FLT3LG: variants seen among roughly 807,000 people sequenced by gnomAD.
The protein encoded by FLT3LG is fms-related tyrosine kinase 3 ligand.
Under a neutral mutation model 30.9 loss-of-function variants are expected in FLT3LG, and 8 were observed. The observed-to-expected ratio is 0.26, with a 90% confidence interval of 0.15 to 0.47. FLT3LG has a LOEUF of 0.47. Among genes scored for constraint, FLT3LG ranks in the 20% least tolerant of loss-of-function variants. FLT3LG has a pLI of 0.99. For missense variants in FLT3LG, 278 were observed against 306.2 expected, an observed-to-expected ratio of 0.91 and a Z score of 0.69; for synonymous variants, 123 against 135.9, an observed-to-expected ratio of 0.91 and a Z score of 0.66.
rs1220879757 is a variant in FLT3LG, at chr19:49,476,052, CCT to C, written c.145-84_145-83del. Reference sequence around the variant, plus strand: ...GGGCTCCCCCTCTCTTGGTCTTGTCCCTCTCTCTCTGGATCTCTGCTGCCACC... The same window carrying C: ...GGGCTCCCCCTCTCTTGGTCTTGTCCCTCTCTCTGGATCTCTGCTGCCACC... On this transcript the variant is annotated intron_variant, in intron 3 of 8. Transcript: ENST00000597551. The surrounding 1 kb of genome is among the most constrained non-coding windows in gnomAD (Gnocchi z 5.3). 1.6e-5 allele frequency: 22 copies of C among 1,416,558 alleles called. No individual in the cohort carries two copies. Among genetic ancestry groups the C allele is most frequent in the Non-Finnish European group, 2.0e-5 (20 of 1,002,836 alleles). 87.7% of individuals were successfully genotyped at this position (1,416,558 alleles called of 1,614,324 possible). A position where few individuals can be genotyped will look rare whatever the true frequency, so the allele number is the denominator to read the frequency against.
chr19:49,475,931 C>T (rs1476942960), intron 3 of FLT3LG, 130 bp downstream of exon 3: 78 of 1,036,516 alleles, frequency 7.5e-5, no homozygotes, highest in Non-Finnish European at 2.8e-5. Flanking sequence ...AGCGATCCTC[C>T]CACCTTGGCC....
At position 49,476,358 on chromosome 19, in the gene FLT3LG, C is replaced by A; in HGVS notation, c.199-65C>A. On this transcript the variant is annotated intron_variant, in intron 4 of 8. Coordinates refer to ENST00000597551, the MANE Select transcript of FLT3LG (RefSeq NM_001459.4). This position sits in a 1 kb window ranked among gnomAD's most constrained non-coding sequence, Gnocchi z 5.3. ...ACCCAGGAGCCCCGGCCCAGCCCCT[C>A]CTCCCTCAGACCCAGCAGCCCCGTG... 6.4e-7 allele frequency: 1 copy of A among 1,559,260 alleles called. No homozygotes were observed. The highest frequency in any genetic ancestry group is 1.1e-5 in the South Asian group (1 of 89,286).
At chr19:49,483,924 G>T (rs1325296766) in intron 8 of FLT3LG, among the ~76,000 whole-genome samples, 1 of 139,600 alleles carries the variant, frequency 7.2e-6, no homozygotes, top group African/African-American at 2.6e-5. Flanking sequence ...TTGCTCTGTC[G>T]CCCAGGGTGG....
At chr19:49,484,242 G>A (rs1334422721) in intron 8 of FLT3LG, among the ~76,000 whole-genome samples, 1 of 140,524 alleles carries the variant, frequency 7.1e-6, no homozygotes, top group Non-Finnish European at 1.5e-5. Context: ...TCCCAACCTA[G>A]TCCCTGTCCA....
chr19:49,477,914 C>A (rs537219832), intron 5 of FLT3LG, among the ~76,000 whole-genome samples: 1 of 148,924 alleles, frequency 6.7e-6, no homozygotes, highest in African/African-American at 2.5e-5. Flanking sequence ...GGCATGGTGG[C>A]GCGCGCCTGT....
At chr19:49,479,080 C>G in intron 6 of FLT3LG, 33 bp downstream of exon 6, 1 of 1,585,282 alleles carries the variant, frequency 6.3e-7, no homozygotes, top group South Asian at 1.2e-5. Flanking sequence ...ACTCCTTCCC[C>G]TCCTGTCCTC....
intron 6 of FLT3LG, among the ~76,000 whole-genome samples, chr19:49,479,302 C>T (rs1167116841): frequency 6.7e-6 from 1 of 149,680 alleles, no homozygotes; most frequent in Non-Finnish European, 1.5e-5. Flanking sequence ...TCATGCCATT[C>T]TCCTGCCTCA....
In FLT3LG at chr19:49,475,785, T is replaced by G. The variant is rs150782863; in HGVS notation, c.128T>G (p.Val43Gly). 10 of 1,612,512 alleles carry G rather than the reference T, an allele frequency of 6.2e-6. No individual in the cohort carries two copies. In the African/African-American group the frequency reaches 1.2e-4, roughly 19 times the overall value. Reference sequence around the variant, plus strand: ...AGCCCCATCTCCTCCGACTTCGCTGTCAAAATCCGTGAGCTGGTGAGCGGC... The same window carrying G: ...AGCCCCATCTCCTCCGACTTCGCTGGCAAAATCCGTGAGCTGGTGAGCGGC... Reference protein sequence around the residue: ...QHSPISSDFAVKIRELSDYLL... With the variant: ...QHSPISSDFAGKIRELSDYLL... Residue 43 changes from valine (V) to glycine (G), a missense_variant, in exon 3 of 9, where the codon GTC (valine) becomes GGC (glycine). Val to Gly is a moderately radical substitution (Grantham distance 109, BLOSUM62 -3). Around this residue, in one of 3 missense-constraint regions of FLT3LG, gnomAD observed 68 missense variants for 110.0 expected, o/e 0.62. Transcript: ENST00000597551.
At chr19:49,484,685 T>C (rs1277995702) in intron 8 of FLT3LG, among the ~76,000 whole-genome samples, 5 of 151,844 alleles carry the variant, frequency 3.3e-5, no homozygotes, top group Admixed American at 1.3e-4. Context: ...TTAGTAGAGA[T>C]GGGGTTTCAC....
chr19:49,479,395 C>T (rs927903510), intron 6 of FLT3LG, among the ~76,000 whole-genome samples: 3 of 151,064 alleles, frequency 2.0e-5, no homozygotes, highest in African/African-American at 4.9e-5. Flanking sequence ...GGGGTTTTAC[C>T]GAGTTAAACC....
chr19:49,480,007 T>G (rs945364537), intron 6 of FLT3LG, among the ~76,000 whole-genome samples: 11 of 151,870 alleles, frequency 7.2e-5, no homozygotes, highest in Non-Finnish European at 1.5e-4. Context: ...TTTCACCATG[T>G]TGGCCAGGCT....
intron 8 of FLT3LG, among the ~76,000 whole-genome samples, chr19:49,485,797 C>T (rs531647851): frequency 1.6e-4 from 24 of 152,304 alleles, no homozygotes; most frequent in Non-Finnish European, 2.2e-4. Flanking sequence ...GGATTATAGG[C>T]ATGAGCCACC....
intron 5 of FLT3LG, among the ~76,000 whole-genome samples, chr19:49,477,919 G>A (rs965404199): frequency 4.7e-5 from 7 of 150,292 alleles, no homozygotes; most frequent in African/African-American, 1.2e-4. Context: ...GGTGGCGCGC[G>A]CCTGTAGTCC....
Position 49,475,715 on chromosome 19 carries a change from C to T in FLT3LG, c.58C>T (p.Leu20=). 1 of 1,609,612 alleles carries T rather than the reference C, an allele frequency of 6.2e-7. No homozygotes were observed. Among genetic ancestry groups the T allele is most frequent in the Non-Finnish European group, 8.5e-7 (1 of 1,179,792 alleles). Residue 20 remains leucine (L), a synonymous_variant, in exon 3 of 9, where the codon CTG becomes TTG. Transcript: ENST00000597551. The part of the protein sequence containing the change: ...PTTYLLLLLL[L]SSGLSGTQDC... ...GACCTATCTCCTCCTGCTGCTGCTG[C>T]TGAGCTCGGGACTCAGTGGGACCCA...
intron 3 of FLT3LG, 49 bp downstream of exon 3, chr19:49,475,850 CT>C (rs61254172): frequency 0.12 from 156,896 of 1,310,430 alleles, 9,216 homozygotes; most frequent in African/African-American, 0.38. Flanking sequence ...CTTCCCCCCA[CT>C]TTTTTTTTTA....
At chr19:49,477,991 C>T (rs947754479) in intron 5 of FLT3LG, among the ~76,000 whole-genome samples, 9 of 150,994 alleles carry the variant, frequency 6.0e-5, no homozygotes, top group African/African-American at 2.0e-4. Context: ...TGCAGTAAGC[C>T]GAGATCGTGC....
Position 49,476,802 on chromosome 19 carries a change from G to C in FLT3LG, c.342+236G>C. 7 of 491,346 alleles carry C rather than the reference G, an allele frequency of 1.4e-5. No individual in the cohort carries two copies. Among genetic ancestry groups the C allele is most frequent in the East Asian group, 4.0e-5 (1 of 25,184 alleles). 30.4% of individuals were successfully genotyped at this position (491,346 alleles called of 1,614,324 possible). A position where few individuals can be genotyped will look rare whatever the true frequency, so the allele number is the denominator to read the frequency against. On this transcript the variant is annotated intron_variant, in intron 5 of 8. Transcript: ENST00000597551. This position sits in a 1 kb window ranked among gnomAD's most constrained non-coding sequence, Gnocchi z 5.3. ...CCGGTTTCCTAGGCCATGATGAAGGGTGCCACTGAGGGGTTCTTCCCCCAA... is the reference window on the plus strand; with the variant it reads ...CCGGTTTCCTAGGCCATGATGAAGGCTGCCACTGAGGGGTTCTTCCCCCAA...
At chr19:49,480,179 G>A in intron 6 of FLT3LG, 119 bp from the exon 7 acceptor site, 3 of 667,918 alleles carry the variant, frequency 4.5e-6, no homozygotes, top group Non-Finnish European at 7.8e-6. Context: ...TGAGCAAACT[G>A]AGGCACAGAG....
intron 8 of FLT3LG, 76 bp downstream of exon 8, chr19:49,480,696 G>A: frequency 1.4e-6 from 2 of 1,438,740 alleles, no homozygotes; most frequent in Non-Finnish European, 9.5e-7. Context: ...CCATGGAAGG[G>A]TGGTGAGCAG....
Sources: gnomAD v4.1 joint callset for allele counts (sites outside exome capture counted in the v4.1 genomes callset) on GRCh38, gnomAD v4.1.1 for gene constraint, gnomAD v4.1.1 regional missense constraint, Gnocchi (gnomAD v3.1) non-coding constraint, MANE v1.5 for transcripts, NCBI Gene and HGNC (gene_info 2026-07-23, HGNC 2026-07-21) for gene names.